The following CCBE1 variants were observed in gnomAD, a reference collection of about 807,000 sequenced individuals.
CCBE1 encodes the protein collagen and calcium binding EGF domains 1.
A neutral mutation model predicts 50.0 loss-of-function variants in CCBE1; 37 were observed. That is an observed-to-expected ratio of 0.74 (90% confidence interval 0.57 to 0.97). The LOEUF (loss-of-function observed/expected upper bound fraction) is 0.97. CCBE1 is among the 50% of genes least tolerant of loss of function. The pLI is 0.00. For missense variants in CCBE1, 538 were observed against 523.8 expected (o/e 1.03, Z -0.26); for synonymous variants, 234 against 203.7 (o/e 1.15, Z -1.27).
At chr18:59,439,396 G>A in intron 9 of CCBE1, 147 bp downstream of exon 9, 1 of 982,702 alleles carries the variant, frequency 1.0e-6, no homozygotes, top group South Asian at 1.3e-5. Context: ...GAGCCAGAGA[G>A]GCAGAGGCTG....
chr18:59,605,804 C>T (rs1201478571), intron 2 of CCBE1, among the ~76,000 whole-genome samples: 1 of 152,230 alleles, frequency 6.6e-6, no homozygotes, highest in Non-Finnish European at 1.5e-5. Context: ...GCCAGAGAAA[C>T]GTTCCAGAGC....
intron 2 of CCBE1, chr18:59,685,850 T>C (rs1212578992): frequency 2.6e-5 from 4 of 152,218 alleles, no homozygotes; most frequent in Non-Finnish European, 4.4e-5. Context: ...TTGATGTGCA[T>C]AGGAAGCACC....
intron 2 of CCBE1, among the ~76,000 whole-genome samples, chr18:59,675,865 G>A (rs942615237): frequency 1.3e-5 from 2 of 152,170 alleles, no homozygotes; most frequent in Admixed American, 6.6e-5. Context: ...AAAGAGGCAA[G>A]GTCTCTAAGA....
intron 5 of CCBE1, among the ~76,000 whole-genome samples, chr18:59,457,939 G>A (rs1354337104): frequency 2.0e-5 from 3 of 152,218 alleles, no homozygotes; most frequent in Admixed American, 2.0e-4. Context: ...CTTAACTTTG[G>A]TTGTGCTGAC....
At chr18:59,516,202 AC>A (rs1371306988) in intron 2 of CCBE1, among the ~76,000 whole-genome samples, 2 of 147,020 alleles carry the variant, frequency 1.4e-5, no homozygotes, top group East Asian at 2.0e-4. Flanking sequence ...CAAGTGATCC[AC>A]CCGCCTCAGC....
chr18:59,509,862 CTATT>C (rs1336039901), intron 2 of CCBE1, among the ~76,000 whole-genome samples: 1 of 152,144 alleles, frequency 6.6e-6, no homozygotes, highest in Non-Finnish European at 1.5e-5. Context: ...AAAGGAATAA[CTATT>C]TAAGCGACCC....
At chr18:59,634,811 G>T (rs1327220868) in intron 2 of CCBE1, among the ~76,000 whole-genome samples, 1 of 152,046 alleles carries the variant, frequency 6.6e-6, no homozygotes, top group Non-Finnish European at 1.5e-5. Context: ...AACTCAAATA[G>T]GTCAGATAGA....
chr18:59,593,908 C>G (rs985437293), intron 2 of CCBE1, among the ~76,000 whole-genome samples: 4 of 152,214 alleles, frequency 2.6e-5, no homozygotes, highest in Non-Finnish European at 5.9e-5. Context: ...GGGTCCATAT[C>G]CCAAAGAGGG....
intron 2 of CCBE1, among the ~76,000 whole-genome samples, chr18:59,547,024 T>A (rs1006643248): frequency 2.0e-5 from 2 of 97,694 alleles, no homozygotes; most frequent in Admixed American, 1.5e-4. Context: ...GTTAGAGGAA[T>A]GGGAGAGAGA....
At chr18:59,511,088 C>T (rs1442025816) in intron 2 of CCBE1, among the ~76,000 whole-genome samples, 1 of 152,220 alleles carries the variant, frequency 6.6e-6, no homozygotes, top group Non-Finnish European at 1.5e-5. Context: ...TACCAGAGTC[C>T]TGTGTCTTCA....
chr18:59,576,247 A>G (rs970018914), intron 2 of CCBE1, among the ~76,000 whole-genome samples: 5 of 152,170 alleles, frequency 3.3e-5, no homozygotes, highest in Non-Finnish European at 7.4e-5. Flanking sequence ...AAGTTTTGTG[A>G]GTGTGTGTGA....
intron 2 of CCBE1, among the ~76,000 whole-genome samples, chr18:59,482,004 C>T (rs1912592135): frequency 1.3e-5 from 2 of 152,178 alleles, no homozygotes; most frequent in South Asian, 4.1e-4. Context: ...AGGTTTTAAG[C>T]CCTGCATGCG....
intron 2 of CCBE1, among the ~76,000 whole-genome samples, chr18:59,624,341 A>T (rs528877976): frequency 3.1e-4 from 47 of 152,386 alleles, no homozygotes; most frequent in African/African-American, 1.1e-3. Flanking sequence ...ATGCAAGGGC[A>T]TACTAAAGTT....
chr18:59,630,174 T>A (rs983884909), intron 2 of CCBE1, among the ~76,000 whole-genome samples: 4 of 152,068 alleles, frequency 2.6e-5, no homozygotes, highest in African/African-American at 9.7e-5. Context: ...CTCCGCCTCA[T>A]GCTCGTGCTC....
intron 2 of CCBE1, among the ~76,000 whole-genome samples, chr18:59,604,140 C>G (rs751955702): frequency 1.1e-4 from 17 of 152,186 alleles, no homozygotes; most frequent in Admixed American, 7.2e-4. Context: ...AACTGGAAAA[C>G]TTATCTAAGG....
chr18:59,590,963 G>GATCAAGTTCCAGAT (rs1159450069), intron 2 of CCBE1, among the ~76,000 whole-genome samples: 1 of 32,898 alleles, frequency 3.0e-5, no homozygotes, highest in Non-Finnish European at 4.9e-5. Flanking sequence ...CTGCTAAGTA[G>GATCAAGTTCCAGAT]GCCGGGCGCG....
chr18:59,447,577 C>A (rs1910735397), intron 7 of CCBE1, among the ~76,000 whole-genome samples: 1 of 152,026 alleles, frequency 6.6e-6, no homozygotes, highest in Admixed American at 6.5e-5. Context: ...GACTGGGGAG[C>A]AGTAGGAAGA....
At chr18:59,491,858 A>G (rs1349445028) in intron 2 of CCBE1, among the ~76,000 whole-genome samples, 2 of 135,778 alleles carry the variant, frequency 1.5e-5, no homozygotes, top group Non-Finnish European at 3.3e-5. Context: ...TTCATGGTCT[A>G]TTCCCCAGCT....
chr18:59,516,668 T>C (rs760121209), intron 2 of CCBE1, among the ~76,000 whole-genome samples: 13 of 152,196 alleles, frequency 8.5e-5, no homozygotes, highest in Non-Finnish European at 1.6e-4. Context: ...ACCACGGACC[T>C]TCCTGGCTTG....
Sources: allele counts gnomAD v4.1 joint callset (sites outside exome capture counted in the v4.1 genomes callset), GRCh38; gene constraint gnomAD v4.1.1; transcripts MANE v1.5; gene names NCBI Gene and HGNC (gene_info 2026-07-23, HGNC 2026-07-21).